The following LONP2 variants were observed in gnomAD, a reference collection of about 807,000 sequenced individuals.
The protein encoded by LONP2 is lon protease homolog 2, peroxisomal.
Under a neutral mutation model 85.6 loss-of-function variants are expected in LONP2, and 60 were observed. That is an observed-to-expected ratio of 0.70 (90% CI 0.57 to 0.87). The LOEUF (loss-of-function observed/expected upper bound fraction) is 0.87. LONP2 is among the 40% of genes least tolerant of loss of function. The probability of loss-of-function intolerance (pLI) is 0.00; values close to 1 mark genes in which losing one functional copy is unlikely to be tolerated. For missense variants in LONP2, 860 were observed against 1,063.5 expected, an observed-to-expected ratio of 0.81 and a Z score of 2.66; for synonymous variants, 395 against 389.7, an observed-to-expected ratio of 1.01 and a Z score of -0.16.
intron 6 of LONP2, among the ~76,000 whole-genome samples, chr16:48,264,713 G>C (rs1020938149): frequency 6.6e-6 from 1 of 152,072 alleles, no homozygotes; most frequent in African/African-American, 2.4e-5. Flanking sequence ...AAATCTTTAC[G>C]ATTTATGTTT....
Position 48,351,390 on chromosome 16 carries a change from A to G in LONP2, c.2338-191A>G, listed in dbSNP as rs368160768. 7.2e-5 allele frequency among the ~76,000 whole-genome samples: 11 copies of G among 152,268 alleles called. 1 individual carries two copies. Among genetic ancestry groups the G allele is most frequent in the East Asian group, 1.9e-4 (1 of 5,178 alleles). ...CATCAGAGTCTTTAATATAACACCA[A>G]TTGAAACATTAAAAAAAGGTTACTA... On this transcript the variant is annotated intron_variant, in intron 14 of 14. Coordinates refer to ENST00000285737, the MANE Select transcript of LONP2 (RefSeq NM_031490.5).
chr16:48,330,485 T>G (rs1410641009), intron 11 of LONP2, among the ~76,000 whole-genome samples: 1 of 152,248 alleles, frequency 6.6e-6, no homozygotes, highest in Non-Finnish European at 1.5e-5. Flanking sequence ...AACATGGTAC[T>G]AGGGCTGAGT....
intron 8 of LONP2, 83 bp downstream of exon 8, chr16:48,277,562 C>A: frequency 7.4e-7 from 1 of 1,352,616 alleles, no homozygotes; most frequent in Non-Finnish European, 1.0e-6. Flanking sequence ...GTGATATACA[C>A]AGTGGTGTAG....
intron 11 of LONP2, among the ~76,000 whole-genome samples, chr16:48,331,634 C>T (rs971695465): frequency 4.0e-5 from 6 of 150,858 alleles, no homozygotes; most frequent in South Asian, 2.1e-4. Context: ...GCGCGATCTC[C>T]GCTCACTGCA....
At chr16:48,266,081 G>A (rs1363917363) in intron 6 of LONP2, among the ~76,000 whole-genome samples, 1 of 152,052 alleles carries the variant, frequency 6.6e-6, no homozygotes, top group East Asian at 1.9e-4. Flanking sequence ...TTGGCTCACT[G>A]CAACCTCTGC....
intron 8 of LONP2, among the ~76,000 whole-genome samples, chr16:48,282,902 C>CA (rs1410796672): frequency 2.6e-5 from 4 of 152,148 alleles, no homozygotes; most frequent in African/African-American, 7.2e-5. Flanking sequence ...TGCCAGATAG[C>CA]CAAGTTGTGA....
Position 48,352,234 on chromosome 16 carries a change from C to CG in LONP2, c.*434dup, listed in dbSNP as rs1255716347. 2.8e-5 allele frequency: 5 copies of CG among 176,308 alleles called. No homozygotes were observed. Among genetic ancestry groups the CG allele is most frequent in the Admixed American group, 2.7e-4 (5 of 18,372 alleles). The allele number at this position is 176,308 out of a possible 1,614,324, so 10.9% of individuals were successfully genotyped here. On this transcript the variant is annotated 3_prime_UTR_variant, in exon 15 of 15. Coordinates refer to ENST00000285737, the MANE Select transcript of LONP2 (RefSeq NM_031490.5). Reference sequence around the variant, plus strand: ...CTGCACACTCAAGTTCAGGAACCACCGGTATAGACCATTACCTTAGTGGAT... The same window carrying CG: ...CTGCACACTCAAGTTCAGGAACCACCGGGTATAGACCATTACCTTAGTGGAT...
chr16:48,310,070 A>AG (rs1274651827), intron 11 of LONP2, among the ~76,000 whole-genome samples: 1 of 152,078 alleles, frequency 6.6e-6, no homozygotes, highest in African/African-American at 2.4e-5. Context: ...TAAAAAAAAA[A>AG]AAACTATTGT....
rs1339993336 is a variant in LONP2, at chr16:48,244,410, C to A, written c.22C>A (p.Gln8Lys). The A allele has an allele frequency of 6.4e-7, 1 of 1,574,400 alleles. No individual in the cohort carries two copies. Among genetic ancestry groups the A allele is most frequent in the African/African-American group, 1.4e-5 (1 of 72,386 alleles). Reference sequence around the variant, plus strand: ...CAGCATGTCATCAGTGAGCCCCATCCAGATCCCCAGTCGCCTCCCGCTGCT... The same window carrying A: ...CAGCATGTCATCAGTGAGCCCCATCAAGATCCCCAGTCGCCTCCCGCTGCT... MSSVSPI[Q>K]IPSRLPLLLT... The change falls in exon 1 of 15, where the codon CAG becomes AAG. Residue 8 changes from glutamine (Q) to lysine (K), a missense_variant. This residue lies in a region of LONP2 where 743 missense variants were observed against 917.3 expected (regional missense o/e 0.81). Coordinates refer to ENST00000285737, the MANE Select transcript of LONP2 (RefSeq NM_031490.5).
chr16:48,336,540 GGT>G (rs1959655381), intron 12 of LONP2: 1 of 431,672 alleles, frequency 2.3e-6, no homozygotes, highest in Non-Finnish European at 4.7e-6. Flanking sequence ...GGGAGATAGG[GGT>G]GGGGCCGTTT....
intron 11 of LONP2, among the ~76,000 whole-genome samples, chr16:48,330,328 T>C (rs1959398946): frequency 6.6e-6 from 1 of 152,226 alleles, no homozygotes; most frequent in South Asian, 2.1e-4. Context: ...CCCTGATATG[T>C]TGGAAGGTTG....
chr16:48,257,064 C>T lies in LONP2; in HGVS notation c.600+323C>T, dbSNP rs186143770. On this transcript the variant is annotated intron_variant, in intron 3 of 14. Transcript: ENST00000285737. Reference sequence around the variant, plus strand: ...TGGGTGCTCACGCCTGTAGTCCCAGCACTTTGGGAGGCTGAGATGGGTGGA... The same window carrying T: ...TGGGTGCTCACGCCTGTAGTCCCAGTACTTTGGGAGGCTGAGATGGGTGGA... 4.7e-4 allele frequency among the ~76,000 whole-genome samples: 72 copies of T among 152,266 alleles called. No individual in the cohort carries two copies. The Middle Eastern group carries it at 0.01, about 22-fold the overall frequency.
chr16:48,285,070 G>GA (rs1972410062), intron 8 of LONP2, among the ~76,000 whole-genome samples: 1 of 151,958 alleles, frequency 6.6e-6, no homozygotes. Flanking sequence ...GTTTTTCTGG[G>GA]AATGTCTTAA....
At position 48,315,518 on chromosome 16, in the gene LONP2, A is replaced by C. The variant is rs569326608; in HGVS notation, c.1795+12213A>C. Among the ~76,000 whole-genome samples, 13 of 152,302 alleles carry C rather than the reference A, an allele frequency of 8.5e-5. No homozygotes were observed. In the South Asian group the frequency reaches 2.7e-3, roughly 32 times the overall value. On this transcript the variant is annotated intron_variant, in intron 11 of 14. Coordinates refer to ENST00000285737, the MANE Select transcript of LONP2 (RefSeq NM_031490.5). ...GGCCTGAACTCACTCTTTTATAAGG[A>C]TATCAGTCTCACCCATAAGGGCAGA...
chr16:48,261,493 GAA>G lies in LONP2; in HGVS notation c.794_795del (p.Glu265GlyfsTer2), dbSNP rs781427303. On this transcript the variant is annotated frameshift_variant, in exon 5 of 15. Transcript: ENST00000285737. LOFTEE classifies it high-confidence loss of function. ...SGTLEDEDED[E>X]DNDDIVMLEK... ...TACTTTAGAAGATGAAGATGAAGATGAAGATAATGATGACATTGTCATGCTAG... is the reference window on the plus strand; with the variant it reads ...TACTTTAGAAGATGAAGATGAAGATGGATAATGATGACATTGTCATGCTAG... 1 of 1,607,552 alleles carries G rather than the reference GAA, an allele frequency of 6.2e-7. No homozygotes were observed.
At chr16:48,348,023 T>A in intron 13 of LONP2, 77 bp from the exon 14 acceptor site, 1 of 1,344,050 alleles carries the variant, frequency 7.4e-7, no homozygotes. Flanking sequence ...TTCATTTTTG[T>A]TTGTGACTTT....
At chr16:48,257,109 C>T (rs1198955194) in intron 3 of LONP2, among the ~76,000 whole-genome samples, 2 of 152,046 alleles carry the variant, frequency 1.3e-5, no homozygotes, top group Admixed American at 6.6e-5. Flanking sequence ...ATCAGGAGTT[C>T]GAGACCAGCC....
chr16:48,328,321 GAA>G (rs1959315931), intron 11 of LONP2, among the ~76,000 whole-genome samples: 2 of 149,886 alleles, frequency 1.3e-5, no homozygotes, highest in African/African-American at 4.9e-5. Flanking sequence ...TGTGGCGGGT[GAA>G]TCACGATATC....
chr16:48,274,054 A>G (rs1363965065), intron 7 of LONP2, among the ~76,000 whole-genome samples: 1 of 152,174 alleles, frequency 6.6e-6, no homozygotes, highest in Non-Finnish European at 1.5e-5. Context: ...TTTTTAGCAT[A>G]GTGTACCAGA....
Sources: gnomAD v4.1 joint callset for allele counts (sites outside exome capture counted in the v4.1 genomes callset) on GRCh38, gnomAD v4.1.1 for gene constraint, gnomAD v4.1.1 regional missense constraint, MANE v1.5 for transcripts, NCBI Gene and HGNC (gene_info 2026-07-23, HGNC 2026-07-21) for gene names.